Variants in SRGAP3 observed in about 807,000 individuals in gnomAD.
SRGAP3 encodes the protein SLIT-ROBO Rho GTPase activating protein 3, also known as SLIT-ROBO Rho GTPase-activating protein 3.
Under a neutral mutation model 121.1 loss-of-function variants are expected in SRGAP3, and 39 were observed. The ratio of observed to expected loss-of-function variants is 0.32; its 90% CI spans 0.25 to 0.42. SRGAP3 has a LOEUF of 0.42. Ranked by LOEUF, SRGAP3 falls within the 10% of genes least tolerant of loss-of-function variation. The pLI, the probability that SRGAP3 is intolerant of heterozygous loss-of-function variation, is 1.00. For missense variants in SRGAP3, 1,213 were observed against 1,470.6 expected, an observed-to-expected ratio of 0.82 and a Z score of 2.86; for synonymous variants, 601 against 570.0, an observed-to-expected ratio of 1.05 and a Z score of -0.77.
chr3:9,107,198 C>A (rs536498476), intron 2 of SRGAP3, among the ~76,000 whole-genome samples: 6 of 152,370 alleles, frequency 3.9e-5, no homozygotes, highest in African/African-American at 1.4e-4. Flanking sequence ...TAGACCCCAA[C>A]TAGAATCCCT....
intron 1 of SRGAP3, among the ~76,000 whole-genome samples, chr3:9,206,711 A>T (rs1478643888): frequency 6.6e-6 from 1 of 151,962 alleles, no homozygotes; most frequent in Non-Finnish European, 1.5e-5. Flanking sequence ...TAGCACAAAG[A>T]TCCCCTCACC....
intron 3 of SRGAP3, among the ~76,000 whole-genome samples, chr3:9,322,702 AC>A (rs1404574184): frequency 1.3e-5 from 2 of 150,870 alleles, no homozygotes; most frequent in Non-Finnish European, 3.0e-5. Flanking sequence ...TCCCCCCATC[AC>A]CCCCCACCGT....
chr3:9,302,801 A>G (rs568983523), intron 3 of SRGAP3, among the ~76,000 whole-genome samples: 6 of 152,240 alleles, frequency 3.9e-5, no homozygotes, highest in Admixed American at 3.9e-4. Flanking sequence ...AACAGCCACT[A>G]GGAACAGTCT....
At chr3:9,117,044 T>C (rs541558472) in intron 2 of SRGAP3, among the ~76,000 whole-genome samples, 1 of 152,174 alleles carries the variant, frequency 6.6e-6, no homozygotes, top group Non-Finnish European at 1.5e-5. Flanking sequence ...AAGATCCAGC[T>C]GGCACACGGT....
At chr3:9,005,991 G>T (rs1943048203) in intron 18 of SRGAP3, among the ~76,000 whole-genome samples, 1 of 152,194 alleles carries the variant, frequency 6.6e-6, no homozygotes, top group Non-Finnish European at 1.5e-5. Context: ...GTAGGTATAA[G>T]GCCTGAGCCA....
intron 1 of SRGAP3, among the ~76,000 whole-genome samples, chr3:9,242,230 C>T (rs939672652): frequency 2.0e-5 from 3 of 152,158 alleles, no homozygotes; most frequent in African/African-American, 7.2e-5. Flanking sequence ...CTGAACTTGC[C>T]AACACCTTGA....
chr3:9,181,189 G>A (rs967806104), intron 1 of SRGAP3, among the ~76,000 whole-genome samples: 1 of 152,314 alleles, frequency 6.6e-6, no homozygotes, highest in African/African-American at 2.4e-5. Flanking sequence ...GAAATGTACC[G>A]GGAAGTGTCA....
At chr3:9,062,645 C>T (rs187822114) in intron 5 of SRGAP3, among the ~76,000 whole-genome samples, 1 of 152,320 alleles carries the variant, frequency 6.6e-6, no homozygotes, top group African/African-American at 2.4e-5. Context: ...CCGTGACTGA[C>T]TTCTTTCATT....
At chr3:8,995,764 G>A (rs530289476) in intron 18 of SRGAP3, among the ~76,000 whole-genome samples, 1 of 152,258 alleles carries the variant, frequency 6.6e-6, no homozygotes, top group East Asian at 1.9e-4. Context: ...CCTAAGAAGT[G>A]TCCATATGTG....
chr3:9,303,919 G>T (rs1385822565), intron 3 of SRGAP3, among the ~76,000 whole-genome samples: 1 of 152,156 alleles, frequency 6.6e-6, no homozygotes, highest in Admixed American at 6.5e-5. Flanking sequence ...CAAGGTGTTT[G>T]GGGTCCCCAT....
Position 8,983,832 on chromosome 3 carries a change from GA to G in SRGAP3, c.*1686del. On this transcript the variant is annotated 3_prime_UTR_variant, in exon 22 of 22. Transcript: ENST00000383836. Reference sequence around the variant, plus strand: ...AGGTGGAGTGACAAACCCTAAGTCAGAAGGCTCCTAAGTGCTCAGGGCTGGG... The same window carrying G: ...AGGTGGAGTGACAAACCCTAAGTCAGAGGCTCCTAAGTGCTCAGGGCTGGG... 4.3e-6 allele frequency: 1 copy of G among 230,398 alleles called. No homozygotes were observed. Among genetic ancestry groups the G allele is most frequent in the Non-Finnish European group, 8.6e-6 (1 of 116,292 alleles). 14.3% of individuals were successfully genotyped at this position (230,398 alleles called of 1,614,324 possible).
intron 1 of SRGAP3, among the ~76,000 whole-genome samples, chr3:9,194,698 A>C (rs1265094046): frequency 6.6e-6 from 1 of 152,252 alleles, no homozygotes; most frequent in Non-Finnish European, 1.5e-5. Context: ...GATAGTGCCA[A>C]AGTCAACACT....
intron 18 of SRGAP3, among the ~76,000 whole-genome samples, chr3:8,999,376 C>T (rs143119220): frequency 3.3e-4 from 50 of 152,338 alleles, no homozygotes; most frequent in African/African-American, 1.2e-3. Flanking sequence ...TGAAGCTTTG[C>T]TTTTATTTCA....
chr3:9,254,935 AAAAG>A lies in SRGAP3; in HGVS notation n.442+71071_442+71074del, dbSNP rs144292991. 2.0e-3 allele frequency among the ~76,000 whole-genome samples: 300 copies of A among 150,432 alleles called. 2 individuals carry two copies. The highest frequency in any genetic ancestry group is 5.3e-3 in the South Asian group (25 of 4,692). On this transcript the variant is annotated intron_variant and non_coding_transcript_variant, in intron 3 of 3. Transcript: ENST00000490889. Reference sequence around the variant, plus strand: ...GGGAGGGGAAAGAGAGAGAGAAAGAAAAAGAAAGAAAGAAAGAAAGAGAAAAGAA... The same window carrying A: ...GGGAGGGGAAAGAGAGAGAGAAAGAAAAAGAAAGAAAGAAAGAGAAAAGAA...
chr3:9,038,085 T>C lies in SRGAP3; in HGVS notation c.1414A>G (p.Arg472Gly). The C allele has an allele frequency of 6.2e-7, 1 of 1,614,218 alleles. No individual in the cohort carries two copies. The highest frequency in any genetic ancestry group is 8.5e-7 in the Non-Finnish European group (1 of 1,180,026). ...LLKQTLGEGE[R>G]AECGTTRPPC... ...CACCTGGTGGTGCCGCATTCTGCTCTTTCCCCTGCAAAGAAAAGTATACAT... is the reference window on the plus strand; with the variant it reads ...CACCTGGTGGTGCCGCATTCTGCTCCTTCCCCTGCAAAGAAAAGTATACAT... Residue 472 changes from arginine (R) to glycine (G), a missense_variant, in exon 11 of 22, where the codon AGA (arginine) becomes GGA (glycine). Physicochemically the swap from Arg to Gly is moderately radical, Grantham distance 125. Around this residue, in one of 2 missense-constraint regions of SRGAP3, gnomAD observed 793 missense variants for 1,032.9 expected, o/e 0.77. Coordinates refer to ENST00000383836, the MANE Select transcript of SRGAP3 (RefSeq NM_014850.4).
At chr3:9,010,253 T>C in intron 18 of SRGAP3, 55 bp downstream of exon 18, 1 of 1,603,242 alleles carries the variant, frequency 6.2e-7, no homozygotes, top group Non-Finnish European at 8.5e-7. Flanking sequence ...CTGACAAAAG[T>C]CAGTGTGAGA....
At chr3:9,330,908 G>T (rs1007045549) in intron 1 of SRGAP3, among the ~76,000 whole-genome samples, 1 of 152,126 alleles carries the variant, frequency 6.6e-6, no homozygotes, top group African/African-American at 2.4e-5. Flanking sequence ...TATTACAGAC[G>T]CATACTACTA....
chr3:9,130,575 G>C (rs1005379799), intron 1 of SRGAP3, among the ~76,000 whole-genome samples: 15 of 152,218 alleles, frequency 9.9e-5, no homozygotes, highest in African/African-American at 3.6e-4. Flanking sequence ...ATCAAACCCA[G>C]GTCCCTCAGA....
chr3:9,196,284 G>A (rs867843444), intron 1 of SRGAP3, among the ~76,000 whole-genome samples: 18 of 152,326 alleles, frequency 1.2e-4, no homozygotes, highest in South Asian at 4.1e-4. Flanking sequence ...AGGAGGGGGC[G>A]TTTCCATGGC....
Sources: allele counts gnomAD v4.1 joint callset (sites outside exome capture counted in the v4.1 genomes callset), GRCh38; gene constraint gnomAD v4.1.1; regional missense constraint gnomAD v4.1.1; transcripts MANE v1.5; gene names NCBI Gene and HGNC (gene_info 2026-07-23, HGNC 2026-07-21).